Variants in EIF4G3 observed in about 807,000 individuals in gnomAD.
EIF4G3 encodes the protein eukaryotic translation initiation factor 4 gamma 3.
In EIF4G3, 34 loss-of-function variants were observed where a neutral mutation model predicts 186.4. The ratio of observed to expected loss-of-function variants is 0.18; its 90% confidence interval spans 0.14 to 0.24. EIF4G3 has a LOEUF of 0.24. EIF4G3 is among the 10% of genes least tolerant of loss of function. EIF4G3 has a pLI of 1.00. For synonymous variants in EIF4G3, 673 were observed against 679.5 expected (o/e 0.99, Z 0.15); for missense variants, 1,536 against 1,948.5 (o/e 0.79, Z 3.99).
At chr1:21,052,622 T>C (rs2094294763) in intron 3 of EIF4G3, among the ~76,000 whole-genome samples, 2 of 151,170 alleles carry the variant, frequency 1.3e-5, no homozygotes, top group East Asian at 3.9e-4. Flanking sequence ...GGTCTCCCCC[T>C]GATGCCGAGC....
At position 20,907,566 on chromosome 1, in the gene EIF4G3, G is replaced by A. The variant is rs547728740; in HGVS notation, c.1664-2595C>T. Among the ~76,000 whole-genome samples, 7 of 94,098 alleles carry A rather than the reference G, an allele frequency of 7.4e-5. No homozygotes were observed. In the East Asian group the frequency reaches 1.0e-3, roughly 14 times the overall value. The allele number at this position is 94,098 out of a possible 152,430, so 61.7% of individuals were successfully genotyped here. On this transcript the variant is annotated intron_variant, in intron 14 of 36. Coordinates refer to ENST00000602326, the MANE Select transcript of EIF4G3 (RefSeq NM_001391906.1). ...CTCCCCCAACCCCACAACAGTCCCC[G>A]GTGTGTGATGTTCCCCTTCCTGTGT...
chr1:20,989,246 A>G (rs1009667235), intron 7 of EIF4G3, among the ~76,000 whole-genome samples: 8 of 151,294 alleles, frequency 5.3e-5, no homozygotes, highest in Admixed American at 4.6e-4. Context: ...GGAAATGGCA[A>G]AAGAACTAGA....
chr1:20,974,956 T>G (rs1318076394), intron 10 of EIF4G3, among the ~76,000 whole-genome samples: 2 of 152,152 alleles, frequency 1.3e-5, no homozygotes, highest in Non-Finnish European at 1.5e-5. Context: ...CAAATAAGGC[T>G]GGCCCACTTT....
chr1:21,124,348 C>T (rs1572911107), intron 2 of EIF4G3, among the ~76,000 whole-genome samples: 1 of 152,080 alleles, frequency 6.6e-6, no homozygotes, highest in Admixed American at 6.6e-5. Context: ...TCATCTGGCA[C>T]ACATTCAAAC....
At chr1:20,973,605 C>T (rs989455191) in intron 10 of EIF4G3, among the ~76,000 whole-genome samples, 25 of 152,118 alleles carry the variant, frequency 1.6e-4, no homozygotes, top group African/African-American at 5.3e-4. Flanking sequence ...AGCAAATTTC[C>T]GAATACTGGG....
intron 7 of EIF4G3, among the ~76,000 whole-genome samples, chr1:20,992,379 A>C (rs183128410): frequency 4.5e-4 from 69 of 152,324 alleles, no homozygotes; most frequent in Non-Finnish European, 7.5e-4. Flanking sequence ...ACTTTCAGTA[A>C]AGAAACCTTT....
intron 2 of EIF4G3, among the ~76,000 whole-genome samples, chr1:21,119,606 T>G (rs576771084): frequency 7.9e-5 from 12 of 152,304 alleles, no homozygotes; most frequent in Non-Finnish European, 1.6e-4. Flanking sequence ...AAGTAAATAT[T>G]ATGTAATTTG....
At chr1:20,950,937 C>T (rs1334813042) in intron 12 of EIF4G3, among the ~76,000 whole-genome samples, 1 of 152,158 alleles carries the variant, frequency 6.6e-6, no homozygotes, top group African/African-American at 2.4e-5. Flanking sequence ...TTTGAGGTTA[C>T]ACAAGCCACG....
intron 29 of EIF4G3, among the ~76,000 whole-genome samples, chr1:20,845,573 A>G (rs1036464393): frequency 3.9e-5 from 6 of 152,046 alleles, no homozygotes; most frequent in Admixed American, 2.6e-4. Context: ...GAGGCAGGAG[A>G]ATGGTGTGAA....
intron 34 of EIF4G3, 86 bp from the exon 35 acceptor site, chr1:20,813,325 A>G: frequency 1.4e-6 from 1 of 722,300 alleles, no homozygotes. Flanking sequence ...ACACTTTGGG[A>G]GGCCGAGACA....
At position 21,161,232 on chromosome 1, in the gene EIF4G3, A is replaced by G. The variant is rs956498302; in HGVS notation, c.-272+14943T>C. On this transcript the variant is annotated intron_variant, in intron 2 of 36. Transcript: ENST00000602326. ...TGAAAAACAAGTGCCAGCCTGGCAC[A>G]ATGGCTCATGCCTGTAATCCCAGCA... 2.0e-5 allele frequency among the ~76,000 whole-genome samples: 3 copies of G among 152,158 alleles called. No homozygotes were observed. In the East Asian group the frequency reaches 5.8e-4, roughly 29 times the overall value.
chr1:20,907,515 A>G (rs990425937), intron 14 of EIF4G3, among the ~76,000 whole-genome samples: 3 of 151,224 alleles, frequency 2.0e-5, no homozygotes, highest in Non-Finnish European at 4.4e-5. Flanking sequence ...AGCATTAGGT[A>G]TATCTCCTAA....
intron 6 of EIF4G3, among the ~76,000 whole-genome samples, chr1:21,000,809 AG>A (rs77717218): frequency 0.37 from 56,119 of 151,920 alleles, 10,999 homozygotes; most frequent in Non-Finnish European, 0.43. Flanking sequence ...TAGTATCTGA[AG>A]AGTTTATGAC....
intron 3 of EIF4G3, among the ~76,000 whole-genome samples, chr1:21,055,191 TA>T (rs1477905122): frequency 6.6e-6 from 1 of 152,166 alleles, no homozygotes; most frequent in East Asian, 1.9e-4. Flanking sequence ...GAATTTATAT[TA>T]TTTCCCATGT....
chr1:21,068,396 A>AAAAAAAAAAAAAG (rs1200202846), intron 3 of EIF4G3, among the ~76,000 whole-genome samples: 1 of 148,708 alleles, frequency 6.7e-6, no homozygotes, highest in African/African-American at 2.5e-5. Flanking sequence ...AAAAAAAAAA[A>AAAAAAAAAAAAAG]AAAACAGAAT....
chr1:20,822,023 G>A (rs915099196), intron 33 of EIF4G3, among the ~76,000 whole-genome samples: 6 of 151,830 alleles, frequency 4.0e-5, no homozygotes, highest in Non-Finnish European at 7.4e-5. Context: ...GATTACAGGC[G>A]TGTGCTACCA....
intron 4 of EIF4G3, among the ~76,000 whole-genome samples, chr1:21,045,855 T>C (rs1456877423): frequency 6.6e-6 from 1 of 152,058 alleles, no homozygotes. Context: ...TAAAATAGTT[T>C]TATAATTTTC....
At chr1:21,146,572 C>G (rs1390745513) in intron 2 of EIF4G3, among the ~76,000 whole-genome samples, 1 of 151,812 alleles carries the variant, frequency 6.6e-6, no homozygotes, top group Non-Finnish European at 1.5e-5. Flanking sequence ...ACCAGCCTAG[C>G]AACATGGCCA....
intron 16 of EIF4G3, among the ~76,000 whole-genome samples, chr1:20,896,435 CA>C (rs201025308): frequency 6.1e-3 from 334 of 54,722 alleles, no homozygotes; most frequent in African/African-American, 0.012. Context: ...GATTCTATCT[CA>C]AAAAAAAAAA....
Sources: gnomAD v4.1 joint callset for allele counts (sites outside exome capture counted in the v4.1 genomes callset) on GRCh38, gnomAD v4.1.1 for gene constraint, MANE v1.5 for transcripts, NCBI Gene and HGNC (gene_info 2026-07-23, HGNC 2026-07-21) for gene names.